The following NPY5R variants were observed in gnomAD, a reference collection of about 807,000 sequenced individuals.
The protein encoded by NPY5R is neuropeptide Y receptor Y5, also known as neuropeptide Y receptor type 5.
NPY5R carries 21 observed loss-of-function variants against 24.8 expected under a neutral mutation model. The ratio of observed to expected loss-of-function variants is 0.85; its 90% CI spans 0.60 to 1.22. The LOEUF is 1.22. Ranked by LOEUF, NPY5R falls within the 50% of genes most tolerant of loss-of-function variation. The pLI is 0.00. For missense variants in NPY5R, 481 were observed against 521.3 expected (o/e 0.92, Z 0.75); for synonymous variants, 175 against 183.0 (o/e 0.96, Z 0.35).
Position 163,343,915 on chromosome 4 carries a change from C to G in NPY5R, c.-206C>G, listed in dbSNP as rs1735086406. ...CCGCCTCCAGGTCCTGCTCCCGCTG[C>G]TGCCGCCACCGCCGGGGTGCAGGAG... is the stretch of plus-strand genomic sequence containing the variant. On this transcript the variant is annotated 5_prime_UTR_variant, in exon 1 of 4. Coordinates refer to ENST00000338566, the MANE Select transcript of NPY5R (RefSeq NM_006174.4). 6.5e-6 allele frequency: 1 copy of G among 152,902 alleles called. No homozygotes were observed. Among genetic ancestry groups the G allele is most frequent in the Admixed American group, 6.5e-5 (1 of 15,306 alleles). The allele number at this position is 152,902 out of a possible 1,614,324, so 9.5% of individuals were successfully genotyped here. A position where few individuals can be genotyped will look rare whatever the true frequency, so the allele number is the denominator to read the frequency against.
chr4:163,350,507 C>T lies in NPY5R; in HGVS notation c.234C>T (p.Phe78=). The T allele has an allele frequency of 6.2e-7, 1 of 1,614,124 alleles. No homozygotes were observed. The highest frequency in any genetic ancestry group is 1.3e-5 in the African/African-American group (1 of 75,022). The change falls in exon 4 of 4, where the codon TTC becomes TTT. Residue 78 remains phenylalanine (F), a synonymous_variant. Coordinates refer to ENST00000338566, the MANE Select transcript of NPY5R (RefSeq NM_006174.4). ...KKRNQKTTVN[F]LIGNLAFSDI... ...GTAATCAGAAGACTACGGTAAACTTCCTCATAGGCAATCTGGCCTTTTCTG... is the reference window on the plus strand; with the variant it reads ...GTAATCAGAAGACTACGGTAAACTTTCTCATAGGCAATCTGGCCTTTTCTG...
intron 3 of NPY5R, 40 bp from the exon 4 acceptor site, chr4:163,350,225 T>C: frequency 6.8e-6 from 10 of 1,468,464 alleles, no homozygotes; most frequent in Non-Finnish European, 9.1e-6. Context: ...TCATGTAATG[T>C]TTTTTTGGTT....
At chr4:163,349,000 C>T (rs543190110) in intron 3 of NPY5R, among the ~76,000 whole-genome samples, 2 of 135,842 alleles carry the variant, frequency 1.5e-5, no homozygotes, top group East Asian at 4.9e-4. Context: ...TTTTTTAAAA[C>T]GCCAACAGCC....
At chr4:163,352,104 A>G (rs949891989), downstream of NPY5R, among the ~76,000 whole-genome samples, 6 of 152,164 alleles carry the variant, frequency 3.9e-5, no homozygotes, top group African/African-American at 1.4e-4. Flanking sequence ...GAAAATCACA[A>G]CTAAATGACA....
intron 3 of NPY5R, among the ~76,000 whole-genome samples, chr4:163,347,841 G>T (rs1315095863): frequency 2.0e-5 from 3 of 152,190 alleles, no homozygotes; most frequent in Non-Finnish European, 4.4e-5. Context: ...AAGAATGAAT[G>T]AATACAATCC....
At chr4:163,352,248 A>G (rs1207299763), downstream of NPY5R, among the ~76,000 whole-genome samples, 4 of 152,208 alleles carry the variant, frequency 2.6e-5, no homozygotes, top group Non-Finnish European at 5.9e-5. Flanking sequence ...ATACACAAGT[A>G]ATTTACCAAA....
intron 1 of NPY5R, 155 bp from the exon 2 acceptor site, chr4:163,345,559 T>C (rs936943270): frequency 6.6e-6 from 1 of 152,194 alleles, no homozygotes; most frequent in East Asian, 1.9e-4. Context: ...TAATATTCCA[T>C]GTTAAAATAT....
chr4:163,345,024 C>T (rs2110841575), intron 1 of NPY5R: 1 of 152,220 alleles, frequency 6.6e-6, no homozygotes, highest in Middle Eastern at 3.4e-3. Context: ...TGCTGTTCCA[C>T]GATCACAGCA....
At chr4:163,349,864 C>A (rs1021076223) in intron 3 of NPY5R, among the ~76,000 whole-genome samples, 1 of 152,106 alleles carries the variant, frequency 6.6e-6, no homozygotes, top group Admixed American at 6.5e-5. Context: ...CGCCTGTAAT[C>A]CCAGCACTTT....
chr4:163,344,543 C>T (rs767967620), intron 1 of NPY5R: 1 of 152,294 alleles, frequency 6.6e-6, no homozygotes, highest in African/African-American at 2.4e-5. Flanking sequence ...CCACTCAGGC[C>T]GTCCAGCTGC....
chr4:163,348,465 C>CA (rs1188857885), intron 3 of NPY5R, among the ~76,000 whole-genome samples: 2 of 151,788 alleles, frequency 1.3e-5, no homozygotes, highest in African/African-American at 2.4e-5. Flanking sequence ...CCCATCTCCA[C>CA]AAAAAATAGA....
rs1028487423 is a variant in NPY5R, at chr4:163,351,321, T to A, written c.1048T>A (p.Leu350Met). ...KPEENSDVHELRVKRSVTRIK... is the reference protein window; with the variant it reads ...KPEENSDVHEMRVKRSVTRIK... ...TGAAGAAAATTCAGATGTTCATGAATTGAGAGTAAAACGTTCTGTTACAAG... is the reference window on the plus strand; with the variant it reads ...TGAAGAAAATTCAGATGTTCATGAAATGAGAGTAAAACGTTCTGTTACAAG... Residue 350 changes from leucine (L) to methionine (M), a missense_variant, in exon 4 of 4, where the codon TTG (leucine) becomes ATG (methionine). Coordinates refer to ENST00000338566, the MANE Select transcript of NPY5R (RefSeq NM_006174.4). The A allele has an allele frequency of 6.2e-7, 1 of 1,613,714 alleles. No individual in the cohort carries two copies. The highest frequency in any genetic ancestry group is 1.7e-5 in the Admixed American group (1 of 59,980).
chr4:163,344,154 G>A (rs1735104839), intron 1 of NPY5R, 154 bp downstream of exon 1: 1 of 152,586 alleles, frequency 6.6e-6, no homozygotes, highest in African/African-American at 2.4e-5. Context: ...GGGGTCCCAA[G>A]AGAGCGGGGT....
In NPY5R at chr4:163,351,162, T is replaced by C; in HGVS notation, c.889T>C (p.Leu297=). ...ATATAGCAAGAAGACAGCATGTGTG[T>C]TACCTGCTCCAGAAAGACCTTCTCA... ...RRYSKKTACV[L]PAPERPSQEN... The change falls in exon 4 of 4, where the codon TTA becomes CTA. Residue 297 remains leucine, a synonymous_variant. Transcript: ENST00000338566. The C allele has an allele frequency of 6.2e-7, 1 of 1,613,572 alleles. No homozygotes were observed.
At chr4:163,352,015 C>G (rs1247992639), downstream of NPY5R, 1 of 161,708 alleles carries the variant, frequency 6.2e-6, no homozygotes, top group Non-Finnish European at 1.4e-5. Flanking sequence ...GAATATCTAC[C>G]AGCTATCTAT....
At position 163,351,411 on chromosome 4, in the gene NPY5R, A is replaced by T. The variant is rs1578960875; in HGVS notation, c.1138A>T (p.Ser380Cys). 6.2e-7 allele frequency: 1 copy of T among 1,612,568 alleles called. No homozygotes were observed. The highest frequency in any genetic ancestry group is 8.5e-7 in the Non-Finnish European group (1 of 1,178,748). Residue 380 changes from serine (S) to cysteine (C), a missense_variant, in exon 4 of 4, where the codon AGT becomes TGT. By Grantham distance (112) the Ser-to-Cys change is moderately radical. Transcript: ENST00000338566. ...CATACTGATATTAGTATTTGCTGTT[A>T]GTTGGATGCCACTACACCTTTTCCA... ...LTILILVFAV[S>C]WMPLHLFHVV...
In NPY5R at chr4:163,350,267, C is replaced by T. The variant is rs538370021; in HGVS notation, c.-7C>T. Reference sequence around the variant, plus strand: ...AAATGTCTTTTTATTCCAAGCAGGACTATAATATGGATTTAGAGCTCGACG... The same window carrying T: ...AAATGTCTTTTTATTCCAAGCAGGATTATAATATGGATTTAGAGCTCGACG... On this transcript the variant is annotated splice_region_variant and 5_prime_UTR_variant, in exon 4 of 4. Transcript: ENST00000338566. 60 of 1,542,234 alleles carry T rather than the reference C, an allele frequency of 3.9e-5. 1 individual carries two copies. In the South Asian group the frequency reaches 6.3e-4, roughly 16 times the overall value.
rs1455105065 is a variant in NPY5R at position 163,351,275 on chromosome 4, C to T, written c.1002C>T (p.Pro334=). The T allele has an allele frequency of 2.5e-6, 4 of 1,614,006 alleles. No homozygotes were observed. The highest frequency in any genetic ancestry group is 2.5e-6 in the Non-Finnish European group (3 of 1,179,926). The change falls in exon 4 of 4, where the codon CCC becomes CCT. Residue 334 remains proline (P), a synonymous_variant. Transcript: ENST00000338566. ...SSSSKFIPGV[P]TCFEIKPEEN... is the part of the protein sequence containing the mutation. ...CCAGTAAGTTCATACCAGGGGTCCCCACTTGCTTTGAGATAAAACCTGAAG... is the reference window on the plus strand; with the variant it reads ...CCAGTAAGTTCATACCAGGGGTCCCTACTTGCTTTGAGATAAAACCTGAAG...
chr4:163,349,993 A>G (rs1350354511), intron 3 of NPY5R, among the ~76,000 whole-genome samples: 1 of 150,938 alleles, frequency 6.6e-6, no homozygotes, highest in African/African-American at 2.4e-5. Context: ...AGTCCCAGCT[A>G]CTCGGGAGGC....
Sources: allele counts gnomAD v4.1 joint callset (sites outside exome capture counted in the v4.1 genomes callset), GRCh38; gene constraint gnomAD v4.1.1; transcripts MANE v1.5; gene names NCBI Gene and HGNC (gene_info 2026-07-23, HGNC 2026-07-21).